ARHGEF37: variants seen among roughly 807,000 people sequenced by gnomAD.
The protein encoded by ARHGEF37 is Rho guanine nucleotide exchange factor (GEF) 37.
In ARHGEF37, 55 loss-of-function variants were observed where a neutral mutation model predicts 71.1. The ratio of observed to expected loss-of-function variants is 0.77; its 90% CI spans 0.62 to 0.97. ARHGEF37 has a LOEUF of 0.97. ARHGEF37 is among the 50% of genes least tolerant of loss of function. ARHGEF37 has a pLI of 0.00. For missense variants in ARHGEF37, 765 were observed against 836.8 expected (o/e 0.91, Z 1.06); for synonymous variants, 327 against 350.6 (o/e 0.93, Z 0.75).
At chr5:149,609,831 T>A in intron 4 of ARHGEF37, 136 bp downstream of exon 4, 1 of 1,253,798 alleles carries the variant, frequency 8.0e-7, no homozygotes, top group Non-Finnish European at 1.1e-6. Flanking sequence ...TTAGTCAGGA[T>A]AGGGCAGGCT....
intron 12 of ARHGEF37, 90 bp downstream of exon 12, chr5:149,629,056 T>A: frequency 7.0e-7 from 1 of 1,422,566 alleles, no homozygotes. Flanking sequence ...TCTATGCCCC[T>A]CCTGTCTGGT....
At chr5:149,621,594 T>C (rs1350152180) in intron 8 of ARHGEF37, 139 bp from the exon 9 acceptor site, 2 of 764,940 alleles carry the variant, frequency 2.6e-6, no homozygotes, top group Non-Finnish European at 4.3e-6. Flanking sequence ...CCAGAGAAGT[T>C]AGATAACATG....
Position 149,632,056 on chromosome 5 carries a change from C to A in ARHGEF37, c.1893C>A (p.Ile631=). The A allele has an allele frequency of 6.2e-7, 1 of 1,614,266 alleles. No individual in the cohort carries two copies. Among genetic ancestry groups the A allele is most frequent in the Non-Finnish European group, 8.5e-7 (1 of 1,180,058 alleles). ...TGCAGGCAGGCCAGCCTGTGACCAT[C>A]CTGGAGGCCCAGGACAAGAAGGGGA... is the stretch of plus-strand genomic sequence containing the variant. ...VSLQAGQPVT[I]LEAQDKKGNP... Residue 631 remains isoleucine (I), a synonymous_variant, in exon 13 of 13, where the codon ATC becomes ATA. Transcript: ENST00000333677.
intron 3 of ARHGEF37, among the ~76,000 whole-genome samples, chr5:149,601,902 T>C (rs150515549): frequency 3.4e-3 from 517 of 152,104 alleles, no homozygotes; most frequent in African/African-American, 0.012. Context: ...GGGGAGACTG[T>C]TGGGGATAAA....
chr5:149,610,596 C>T (rs927217654), intron 4 of ARHGEF37, among the ~76,000 whole-genome samples: 26 of 152,250 alleles, frequency 1.7e-4, no homozygotes, highest in Admixed American at 5.9e-4. Context: ...TTCAAGAACC[C>T]GTGTCCTAGC....
intron 1 of ARHGEF37, among the ~76,000 whole-genome samples, chr5:149,574,282 T>C (rs1381842724): frequency 6.6e-6 from 1 of 152,182 alleles, no homozygotes; most frequent in Admixed American, 6.5e-5. Flanking sequence ...AACCAATAAA[T>C]AAAAATCAAA....
intron 1 of ARHGEF37, among the ~76,000 whole-genome samples, chr5:149,557,070 G>A (rs1037216863): frequency 3.3e-5 from 5 of 152,124 alleles, no homozygotes; most frequent in African/African-American, 9.7e-5. Flanking sequence ...AGTGTTTTGC[G>A]GTGGCTAGGT....
chr5:149,601,312 C>A (rs1763749251), intron 3 of ARHGEF37, 81 bp downstream of exon 3: 2 of 1,474,664 alleles, frequency 1.4e-6, no homozygotes, highest in East Asian at 2.4e-5. Context: ...TTAACTGTCT[C>A]CAGAGTTCCA....
rs3994917 is a variant in ARHGEF37 at position 149,587,894 on chromosome 5, CTT to C, written c.-12+6288_-12+6289del. On this transcript the variant is annotated intron_variant, in intron 1 of 12. Coordinates refer to ENST00000333677, the MANE Select transcript of ARHGEF37 (RefSeq NM_001001669.3). ...TCTGTAGGTCTTCCCTCCCTTTAGT[CTT>C]TTTTTTTTTTTTTTTTTGGAGACAA... Among the ~76,000 whole-genome samples the C allele has an allele frequency of 7.2e-3, 927 of 129,088 alleles. 15 individuals are homozygous for C. The highest frequency in any genetic ancestry group is 0.021 in the African/African-American group (696 of 33,576). 84.7% of individuals were successfully genotyped at this position (129,088 alleles called of 152,430 possible).
intron 11 of ARHGEF37, among the ~76,000 whole-genome samples, chr5:149,627,939 T>C (rs1220661500): frequency 1.3e-5 from 2 of 152,280 alleles, no homozygotes; most frequent in Non-Finnish European, 2.9e-5. Flanking sequence ...TTAAGCATTT[T>C]AATGTGTATT....
intron 3 of ARHGEF37, among the ~76,000 whole-genome samples, chr5:149,603,152 C>T (rs537679682): frequency 7.9e-5 from 12 of 152,146 alleles, no homozygotes; most frequent in African/African-American, 2.7e-4. Context: ...AGGCTGGTCT[C>T]GAGCTCCTGA....
At chr5:149,625,203 C>T (rs1752651546) in intron 10 of ARHGEF37, among the ~76,000 whole-genome samples, 1 of 152,130 alleles carries the variant, frequency 6.6e-6, no homozygotes, top group African/African-American at 2.4e-5. Context: ...CCACACCTGG[C>T]CCCAAATGCT....
intron 1 of ARHGEF37, among the ~76,000 whole-genome samples, chr5:149,582,778 A>G (rs759581572): frequency 1.1e-4 from 16 of 152,282 alleles, no homozygotes; most frequent in Admixed American, 3.3e-4. Flanking sequence ...TTATGTACAC[A>G]GTTTAAAATT....
intron 7 of ARHGEF37, 36 bp from the exon 8 acceptor site, chr5:149,620,318 G>T: frequency 6.7e-7 from 1 of 1,499,820 alleles, no homozygotes; most frequent in Non-Finnish European, 9.1e-7. Flanking sequence ...GCCATGACAG[G>T]CATGATTGGA....
chr5:149,558,899 A>G (rs1762791226), intron 1 of ARHGEF37, among the ~76,000 whole-genome samples: 2 of 152,282 alleles, frequency 1.3e-5, no homozygotes, highest in South Asian at 2.1e-4. Context: ...GCATTTTTCT[A>G]TGCATATGTA....
At chr5:149,615,777 A>G (rs576046772) in intron 4 of ARHGEF37, among the ~76,000 whole-genome samples, 1 of 152,216 alleles carries the variant, frequency 6.6e-6, no homozygotes, top group African/African-American at 2.4e-5. Context: ...CTGTAATCCC[A>G]GCTACTCGGG....
At chr5:149,604,348 G>A (rs1447633194) in intron 3 of ARHGEF37, among the ~76,000 whole-genome samples, 2 of 151,978 alleles carry the variant, frequency 1.3e-5, no homozygotes. Context: ...CCCAAATGTT[G>A]CATGGGACTT....
rs377752062 is a variant in ARHGEF37, at chr5:149,632,184, C to T, written c.2021C>T (p.Pro674Leu). 7 of 1,613,926 alleles carry T rather than the reference C, an allele frequency of 4.3e-6. No homozygotes were observed. In the African/African-American group the frequency reaches 9.3e-5, roughly 22 times the overall value. Residue 674 changes from proline to leucine, a missense_variant, in exon 13 of 13, where the codon CCC (proline) becomes CTC (leucine). By Grantham distance (98) the Pro-to-Leu change is moderately conservative (BLOSUM62 -3). This residue lies in a region of ARHGEF37 where 390 missense variants were observed against 407.4 expected (regional missense o/e 0.96). Coordinates refer to ENST00000333677, the MANE Select transcript of ARHGEF37 (RefSeq NM_001001669.3). ...CCAGTTCTGTGGGGCTGGAGTCTGC[C>T]CTCTTAGGGTACCCTCTTTGGAGCC... is the stretch of plus-strand genomic sequence containing the variant. Reference protein sequence around the residue: ...RSPVLWGWSLPS With the variant: ...RSPVLWGWSLLS
intron 4 of ARHGEF37, among the ~76,000 whole-genome samples, chr5:149,614,692 A>G (rs1752325965): frequency 6.6e-6 from 1 of 152,102 alleles, no homozygotes; most frequent in Admixed American, 6.5e-5. Flanking sequence ...GCCCCAGGAC[A>G]CCCTTGGTGA....
Sources: allele counts gnomAD v4.1 joint callset (sites outside exome capture counted in the v4.1 genomes callset), GRCh38; gene constraint gnomAD v4.1.1; regional missense constraint gnomAD v4.1.1; transcripts MANE v1.5; gene names NCBI Gene and HGNC (gene_info 2026-07-23, HGNC 2026-07-21).